The following KSR2 variants were observed in gnomAD, a reference collection of about 807,000 sequenced individuals.
The protein encoded by KSR2 is kinase suppressor of ras 2.
In KSR2, 25 loss-of-function variants were observed where a neutral mutation model predicts 107.8. The ratio of observed to expected loss-of-function variants is 0.23; its 90% CI spans 0.17 to 0.32. KSR2 has a LOEUF of 0.32. Among genes scored for constraint, KSR2 ranks in the 10% least tolerant of loss-of-function variants. The pLI, the probability that KSR2 is intolerant of heterozygous loss-of-function variation, is 1.00. For missense variants in KSR2, 887 were observed against 1,268.9 expected, an observed-to-expected ratio of 0.70 and a Z score of 4.57; for synonymous variants, 480 against 507.0, an observed-to-expected ratio of 0.95 and a Z score of 0.71.
At chr12:117,806,053 C>T (rs1315393313) in intron 3 of KSR2, among the ~76,000 whole-genome samples, 5 of 152,084 alleles carry the variant, frequency 3.3e-5, no homozygotes, top group African/African-American at 1.2e-4. Flanking sequence ...CTGCTGCAGC[C>T]AAATTAATGT....
intron 5 of KSR2, among the ~76,000 whole-genome samples, chr12:117,639,392 C>T (rs1038683626): frequency 6.6e-5 from 10 of 151,034 alleles, no homozygotes; most frequent in South Asian, 4.2e-4. Context: ...TGCAGTGGTG[C>T]GATCTCAGCT....
At chr12:117,678,943 G>T (rs532731880) in intron 4 of KSR2, among the ~76,000 whole-genome samples, 1 of 152,284 alleles carries the variant, frequency 6.6e-6, no homozygotes, top group Admixed American at 6.5e-5. Context: ...CTGCTGAGGG[G>T]TCTGCAAGGG....
At chr12:117,708,065 G>A (rs550899074) in intron 4 of KSR2, among the ~76,000 whole-genome samples, 5 of 152,206 alleles carry the variant, frequency 3.3e-5, no homozygotes, top group Non-Finnish European at 5.9e-5. Flanking sequence ...TTTGTGCACT[G>A]GATATCTATA....
At chr12:117,733,298 G>A (rs1887803148) in intron 4 of KSR2, among the ~76,000 whole-genome samples, 1 of 152,080 alleles carries the variant, frequency 6.6e-6, no homozygotes, top group African/African-American at 2.4e-5. Flanking sequence ...ACCACTCTTA[G>A]TTAATATTTT....
At chr12:117,599,372 C>G (rs569606891) in intron 5 of KSR2, among the ~76,000 whole-genome samples, 1 of 152,160 alleles carries the variant, frequency 6.6e-6, no homozygotes, top group Admixed American at 6.5e-5. Flanking sequence ...GTTGTTAATA[C>G]GTCAATTGCT....
chr12:117,917,892 G>A (rs1895229796), intron 1 of KSR2, among the ~76,000 whole-genome samples: 1 of 152,154 alleles, frequency 6.6e-6, no homozygotes, highest in Non-Finnish European at 1.5e-5. Context: ...TGAAAATTAG[G>A]AGAGATAACA....
At chr12:117,776,100 A>AATTC (rs933612068) in intron 3 of KSR2, among the ~76,000 whole-genome samples, 6 of 125,398 alleles carry the variant, frequency 4.8e-5, no homozygotes, top group African/African-American at 1.9e-4. Context: ...TTAATTAATT[A>AATTC]ATTAAATTTT....
intron 3 of KSR2, among the ~76,000 whole-genome samples, chr12:117,831,458 G>A (rs1406842188): frequency 6.6e-6 from 1 of 152,306 alleles, no homozygotes; most frequent in South Asian, 2.1e-4. Flanking sequence ...TAAATTGGGG[G>A]CAGGAACGCC....
intron 1 of KSR2, among the ~76,000 whole-genome samples, chr12:117,880,710 A>ATCCT (rs1808961252): frequency 2.4e-5 from 3 of 126,470 alleles, no homozygotes; most frequent in Admixed American, 8.5e-5. Context: ...ATTTTGCCAG[A>ATCCT]TTCTTTTTTT....
Position 117,631,482 on chromosome 12 carries a change from A to G in KSR2, c.1171+35992T>C, listed in dbSNP as rs141879352. Among the ~76,000 whole-genome samples the G allele has an allele frequency of 8.1e-3, 1,238 of 152,266 alleles. 21 individuals carry two copies. Among genetic ancestry groups the G allele is most frequent in the African/African-American group, 0.028 (1,166 of 41,544 alleles). ...TTTATGACTAAACAACAATTTCATGATTCTTCTTTGTGATTATCATAAATC... is the reference window on the plus strand; with the variant it reads ...TTTATGACTAAACAACAATTTCATGGTTCTTCTTTGTGATTATCATAAATC... On this transcript the variant is annotated intron_variant, in intron 5 of 19. Transcript: ENST00000339824.
intron 3 of KSR2, among the ~76,000 whole-genome samples, chr12:117,771,615 C>T (rs116654808): frequency 8.5e-5 from 13 of 152,150 alleles, no homozygotes; most frequent in South Asian, 2.1e-4. Context: ...CTAATTGCAT[C>T]GTTTCATTTA....
chr12:117,781,659 G>A (rs1452316858), intron 3 of KSR2, among the ~76,000 whole-genome samples: 1 of 152,100 alleles, frequency 6.6e-6, no homozygotes, highest in African/African-American at 2.4e-5. Context: ...CCATGTCTTG[G>A]TATCTTCCAT....
At chr12:117,489,889 G>A (rs1872658841) in intron 14 of KSR2, among the ~76,000 whole-genome samples, 1 of 152,172 alleles carries the variant, frequency 6.6e-6, no homozygotes, top group Non-Finnish European at 1.5e-5. Context: ...CACAGCAACT[G>A]CTCTGAGCTT....
chr12:117,496,716 T>A (rs1873047648), intron 14 of KSR2, among the ~76,000 whole-genome samples: 1 of 152,026 alleles, frequency 6.6e-6, no homozygotes, highest in Non-Finnish European at 1.5e-5. Flanking sequence ...AAAAACAAAG[T>A]GAAATCCTAG....
intron 4 of KSR2, among the ~76,000 whole-genome samples, chr12:117,687,499 A>G (rs1364077106): frequency 6.6e-6 from 1 of 152,182 alleles, no homozygotes; most frequent in African/African-American, 2.4e-5. Context: ...TTTGGGATCA[A>G]ACAGTATAGA....
intron 1 of KSR2, among the ~76,000 whole-genome samples, chr12:117,876,086 T>C (rs1893838639): frequency 6.6e-6 from 1 of 152,110 alleles, no homozygotes; most frequent in South Asian, 2.1e-4. Flanking sequence ...GGGTCCCTGG[T>C]TGTGTTATTA....
chr12:117,622,664 T>G (rs1245408132), intron 5 of KSR2, among the ~76,000 whole-genome samples: 1 of 152,122 alleles, frequency 6.6e-6, no homozygotes, highest in Non-Finnish European at 1.5e-5. Context: ...TGCACAAAAC[T>G]TCCAGATCCA....
intron 3 of KSR2, among the ~76,000 whole-genome samples, chr12:117,833,031 C>T (rs187270376): frequency 1.5e-3 from 218 of 145,840 alleles, no homozygotes; most frequent in African/African-American, 5.0e-3. Flanking sequence ...CTTCGTGGGG[C>T]GGGGGGTGGT....
intron 4 of KSR2, among the ~76,000 whole-genome samples, chr12:117,669,485 G>C (rs1884812281): frequency 6.6e-6 from 1 of 151,666 alleles, no homozygotes; most frequent in South Asian, 2.1e-4. Flanking sequence ...AATAGGCTTA[G>C]AATGAAAAAT....
Sources: gnomAD v4.1 joint callset for allele counts (sites outside exome capture counted in the v4.1 genomes callset) on GRCh38, gnomAD v4.1.1 for gene constraint, MANE v1.5 for transcripts, NCBI Gene and HGNC (gene_info 2026-07-23, HGNC 2026-07-21) for gene names.